Variants in RALYL observed in about 807,000 individuals in gnomAD.
RALYL encodes the protein RALY RNA binding protein like.
A neutral mutation model predicts 35.1 loss-of-function variants in RALYL; 29 were observed. The observed-to-expected ratio is 0.83, with a 90% confidence interval of 0.61 to 1.13. RALYL has a LOEUF of 1.13. Ranked by LOEUF, RALYL falls within the 50% of genes most tolerant of loss-of-function variation. The pLI, the probability that RALYL is intolerant of heterozygous loss-of-function variation, is 0.00. For missense variants in RALYL, 359 were observed against 360.4 expected (o/e 1.00, Z 0.03); for synonymous variants, 120 against 127.6 (o/e 0.94, Z 0.40).
intron 1 of RALYL, among the ~76,000 whole-genome samples, chr8:84,261,118 T>A (rs939560909): frequency 6.6e-6 from 1 of 151,816 alleles, no homozygotes; most frequent in Non-Finnish European, 1.5e-5. Context: ...TTTTTTTTTT[T>A]ATAATTTACT....
At chr8:84,515,315 G>T (rs532306116) in intron 1 of RALYL, among the ~76,000 whole-genome samples, 2 of 152,072 alleles carry the variant, frequency 1.3e-5, no homozygotes, top group African/African-American at 2.4e-5. Flanking sequence ...CTATTTTCCT[G>T]TGTAATTAAT....
intron 1 of RALYL, among the ~76,000 whole-genome samples, chr8:84,495,408 A>G (rs1480832660): frequency 6.6e-6 from 1 of 152,076 alleles, no homozygotes; most frequent in Non-Finnish European, 1.5e-5. Flanking sequence ...TCATTTTGTG[A>G]TGATTTATTA....
chr8:84,286,365 A>C (rs1460643340), intron 1 of RALYL, among the ~76,000 whole-genome samples: 1 of 152,212 alleles, frequency 6.6e-6, no homozygotes, highest in Admixed American at 6.5e-5. Context: ...TCTTTTATTC[A>C]TGTGGGTACA....
At chr8:84,437,361 T>C (rs2047849902) in intron 1 of RALYL, among the ~76,000 whole-genome samples, 1 of 152,166 alleles carries the variant, frequency 6.6e-6, no homozygotes, top group East Asian at 1.9e-4. Context: ...ATTTACTTTC[T>C]TTCAGATATC....
chr8:84,452,270 C>T (rs915382219), intron 1 of RALYL, among the ~76,000 whole-genome samples: 7 of 150,368 alleles, frequency 4.7e-5, no homozygotes, highest in Non-Finnish European at 8.9e-5. Context: ...AACTAGAGCT[C>T]TCACAAAGTT....
At chr8:84,418,941 C>G (rs1244831551) in intron 1 of RALYL, among the ~76,000 whole-genome samples, 1 of 152,056 alleles carries the variant, frequency 6.6e-6, no homozygotes, top group African/African-American at 2.4e-5. Flanking sequence ...CATGCATTGT[C>G]TAAGTATCTC....
At chr8:84,800,732 G>A (rs16913328) in intron 3 of RALYL, among the ~76,000 whole-genome samples, 5,268 of 152,150 alleles carry the variant, frequency 0.035, 308 homozygotes, top group African/African-American at 0.12. Flanking sequence ...GTAATGATCC[G>A]TTTCTACAGA....
At chr8:84,900,690 A>G (rs961047107) in intron 8 of RALYL, among the ~76,000 whole-genome samples, 1 of 152,142 alleles carries the variant, frequency 6.6e-6, no homozygotes, top group Non-Finnish European at 1.5e-5. Context: ...AAAAAAAAAA[A>G]AATTCTCCCT....
At chr8:84,222,293 T>C (rs10504796) in intron 1 of RALYL, among the ~76,000 whole-genome samples, 9,912 of 152,238 alleles carry the variant, frequency 0.065, 532 homozygotes, top group East Asian at 0.15. Flanking sequence ...CAATTATTTA[T>C]TGAACACCTG....
chr8:84,892,351 T>C (rs1843997057), intron 8 of RALYL, among the ~76,000 whole-genome samples: 2 of 152,202 alleles, frequency 1.3e-5, no homozygotes, highest in South Asian at 4.1e-4. Context: ...GGCTCACGCC[T>C]GTAATCCTAG....
chr8:84,702,561 A>C (rs1396835294), intron 2 of RALYL, among the ~76,000 whole-genome samples: 1 of 151,238 alleles, frequency 6.6e-6, no homozygotes, highest in African/African-American at 2.4e-5. Flanking sequence ...ACACACACAC[A>C]CACACTCATT....
chr8:84,384,342 A>G (rs1012851499), intron 1 of RALYL, among the ~76,000 whole-genome samples: 2 of 151,790 alleles, frequency 1.3e-5, no homozygotes, highest in Non-Finnish European at 2.9e-5. Flanking sequence ...TGTCTCCTCC[A>G]TATGAACCTG....
intron 2 of RALYL, among the ~76,000 whole-genome samples, chr8:84,740,147 G>A (rs1298577146): frequency 6.6e-6 from 1 of 151,970 alleles, no homozygotes; most frequent in East Asian, 1.9e-4. Flanking sequence ...CTTTAAGGAA[G>A]GAAGGCAACT....
intron 6 of RALYL, chr8:84,864,905 C>A (rs145662511): frequency 1.7e-5 from 6 of 345,154 alleles, no homozygotes; most frequent in Non-Finnish European, 2.7e-5. Context: ...TGCCAGCCCC[C>A]TGTTATTATA....
intron 1 of RALYL, among the ~76,000 whole-genome samples, chr8:84,197,978 A>G (rs1420001562): frequency 6.6e-6 from 1 of 152,188 alleles, no homozygotes; most frequent in Non-Finnish European, 1.5e-5. Context: ...GGAAGCACTC[A>G]ATAAACCTTT....
intron 2 of RALYL, among the ~76,000 whole-genome samples, chr8:84,732,452 T>G (rs541049448): frequency 1.3e-5 from 2 of 152,048 alleles, no homozygotes; most frequent in East Asian, 3.9e-4. Context: ...CTAAAGTTTT[T>G]GACATATAGA....
chr8:84,548,092 T>C (rs977289753), intron 2 of RALYL, among the ~76,000 whole-genome samples: 3 of 152,202 alleles, frequency 2.0e-5, no homozygotes, highest in African/African-American at 7.2e-5. Flanking sequence ...AACTTATAAT[T>C]TATGGTAGCT....
At chr8:84,655,107 T>C (rs1004011938) in intron 2 of RALYL, among the ~76,000 whole-genome samples, 8 of 152,136 alleles carry the variant, frequency 5.3e-5, no homozygotes, top group Admixed American at 3.3e-4. Flanking sequence ...GGATTCATTA[T>C]TGCCTAGCTT....
At chr8:84,582,024 T>C (rs1009456136) in intron 2 of RALYL, among the ~76,000 whole-genome samples, 2 of 152,108 alleles carry the variant, frequency 1.3e-5, no homozygotes, top group Non-Finnish European at 2.9e-5. Flanking sequence ...ACAATAATAA[T>C]CATTGGGTGT....
Sources: allele counts gnomAD v4.1 joint callset (sites outside exome capture counted in the v4.1 genomes callset), GRCh38; gene constraint gnomAD v4.1.1; transcripts MANE v1.5; gene names NCBI Gene and HGNC (gene_info 2026-07-23, HGNC 2026-07-21).